PHYHIPL: variants seen among roughly 807,000 people sequenced by gnomAD.
PHYHIPL encodes phytanoyl-CoA hydroxylase-interacting protein-like.
Under a neutral mutation model 33.4 loss-of-function variants are expected in PHYHIPL, and 9 were observed. The ratio of observed to expected loss-of-function variants is 0.27; its 90% CI spans 0.16 to 0.47. The LOEUF (loss-of-function observed/expected upper bound fraction) is 0.47. PHYHIPL is among the 20% of genes least tolerant of loss of function. PHYHIPL has a pLI of 0.99. For synonymous variants in PHYHIPL, 153 were observed against 154.1 expected (o/e 0.99, Z 0.05); for missense variants, 365 against 460.7 (o/e 0.79, Z 1.90).
intron 1 of PHYHIPL, among the ~76,000 whole-genome samples, chr10:59,231,282 A>G (rs1472891231): frequency 6.6e-6 from 1 of 152,112 alleles, no homozygotes; most frequent in Non-Finnish European, 1.5e-5. Context: ...TTCACCTATT[A>G]TAAGTAGAAA....
At chr10:59,203,660 C>T (rs192169716) in intron 1 of PHYHIPL, among the ~76,000 whole-genome samples, 1,829 of 151,800 alleles carry the variant, frequency 0.012, 37 homozygotes, top group African/African-American at 0.042. Context: ...AGCAAACTAT[C>T]GCAAGGACAG....
At chr10:59,196,415 ATTT>A (rs59368905) in intron 1 of PHYHIPL, among the ~76,000 whole-genome samples, 5 of 136,542 alleles carry the variant, frequency 3.7e-5, no homozygotes, top group Non-Finnish European at 6.4e-5. Flanking sequence ...CACTGTCAAC[ATTT>A]TTTTTTTTTT....
chr10:59,196,705 C>G (rs1252485467), intron 1 of PHYHIPL, among the ~76,000 whole-genome samples: 1 of 151,962 alleles, frequency 6.6e-6, no homozygotes, highest in East Asian at 1.9e-4. Flanking sequence ...GTGTGAGCCA[C>G]CGCGCCCGGC....
rs966359493 is a variant in PHYHIPL, at chr10:59,217,009, T to A, written c.107-17295T>A. On this transcript the variant is annotated intron_variant, in intron 1 of 4. Transcript: ENST00000373880. The stretch of plus-strand genomic sequence containing the variant: ...TCTGAGAAAATAGTTTGTAATACTT[T>A]ACTTTACTATTCTTGGAGTGAGATA... Among the ~76,000 whole-genome samples the A allele has an allele frequency of 3.3e-5, 5 of 151,022 alleles. No homozygotes were observed. In the East Asian group the frequency reaches 5.8e-4, roughly 17 times the overall value.
chr10:59,179,539 T>C (rs1490947276), intron 1 of PHYHIPL, among the ~76,000 whole-genome samples: 1 of 152,142 alleles, frequency 6.6e-6, no homozygotes, highest in Non-Finnish European at 1.5e-5. Flanking sequence ...TAAAATAGAA[T>C]AGGGGAAAGT....
chr10:59,191,560 C>T (rs1403796439), intron 1 of PHYHIPL, among the ~76,000 whole-genome samples: 3 of 151,740 alleles, frequency 2.0e-5, no homozygotes, highest in Non-Finnish European at 4.4e-5. Context: ...ATAAAAAACC[C>T]AATGAAAAGT....
chr10:59,208,483 A>C (rs925784111), intron 1 of PHYHIPL, among the ~76,000 whole-genome samples: 3 of 152,202 alleles, frequency 2.0e-5, no homozygotes, highest in African/African-American at 7.2e-5. Context: ...CAGCGCAAAA[A>C]GGCTGAAAGT....
intron 1 of PHYHIPL, among the ~76,000 whole-genome samples, chr10:59,188,379 C>T (rs182816150): frequency 8.0e-4 from 122 of 152,264 alleles, no homozygotes; most frequent in African/African-American, 2.8e-3. Flanking sequence ...GAGGGCTTTA[C>T]TTCCAACTAT....
At chr10:59,174,199 G>A (rs774634611), upstream of PHYHIPL, among the ~76,000 whole-genome samples, 5 of 151,916 alleles carry the variant, frequency 3.3e-5, no homozygotes, top group Non-Finnish European at 7.4e-5. Context: ...CATCTTCAGG[G>A]TGGGAACAGT....
chr10:59,244,590 A>T (rs1589305656), intron 4 of PHYHIPL, among the ~76,000 whole-genome samples: 2 of 149,432 alleles, frequency 1.3e-5, no homozygotes, highest in Admixed American at 1.3e-4. Context: ...AAAAAAAGCC[A>T]AAACAAAACA....
intron 1 of PHYHIPL, among the ~76,000 whole-genome samples, chr10:59,226,806 G>A (rs1315861999): frequency 1.3e-5 from 2 of 151,984 alleles, no homozygotes; most frequent in South Asian, 2.1e-4. Flanking sequence ...GTAAAAGATG[G>A]GATTTATAAC....
chr10:59,176,622 C>T, upstream of PHYHIPL: 2 of 369,750 alleles, frequency 5.4e-6, no homozygotes, highest in Non-Finnish European at 9.7e-6. Context: ...CATCCTCGCG[C>T]CGGGTCCTGC....
chr10:59,236,534 C>T lies in PHYHIPL; in HGVS notation c.355C>T (p.Arg119Cys), dbSNP rs1334090934. Residue 119 changes from arginine (R) to cysteine (C), a missense_variant, in exon 3 of 5, where the codon CGT becomes TGT. Around this residue, in one of 4 missense-constraint regions of PHYHIPL, gnomAD observed 63 missense variants for 119.3 expected, o/e 0.53. Coordinates refer to ENST00000373880, the MANE Select transcript of PHYHIPL (RefSeq NM_032439.4). ...AGCTGTTCCCTTGCCTATGACTGTC[C>T]GTGGACACTGGTTTTTAAGCCCAAG... is the stretch of plus-strand genomic sequence containing the variant. ...AKAVPLPMTV[R>C]GHWFLSPRTE... 8 of 1,610,384 alleles carry T rather than the reference C, an allele frequency of 5.0e-6. No individual in the cohort carries two copies. Among genetic ancestry groups the T allele is most frequent in the South Asian group, 2.2e-5 (2 of 90,622 alleles).
upstream of PHYHIPL, among the ~76,000 whole-genome samples, chr10:59,173,935 T>G (rs941039213): frequency 6.9e-5 from 7 of 101,226 alleles, no homozygotes; most frequent in South Asian, 7.4e-4. Context: ...TTTTTTTTTT[T>G]TTTTTTTTTT....
chr10:59,192,923 G>A (rs1403465304), intron 1 of PHYHIPL, among the ~76,000 whole-genome samples: 1 of 152,144 alleles, frequency 6.6e-6, no homozygotes, highest in African/African-American at 2.4e-5. Flanking sequence ...GGAATATCTA[G>A]ATGGAAATTT....
chr10:59,224,456 G>GAAACAAA (rs1554798695), intron 1 of PHYHIPL, among the ~76,000 whole-genome samples: 1 of 139,806 alleles, frequency 7.2e-6, no homozygotes, highest in Non-Finnish European at 1.5e-5. Flanking sequence ...CTGTCTCAAG[G>GAAACAAA]AAACAAAACA....
Position 59,219,744 on chromosome 10 carries a change from A to G in PHYHIPL, c.107-14560A>G, listed in dbSNP as rs187111153. 5.3e-5 allele frequency among the ~76,000 whole-genome samples: 8 copies of G among 152,216 alleles called. No homozygotes were observed. The South Asian group carries it at 1.4e-3, about 28-fold the overall frequency. On this transcript the variant is annotated intron_variant, in intron 1 of 4. Coordinates refer to ENST00000373880, the MANE Select transcript of PHYHIPL (RefSeq NM_032439.4). ...CAAGGATCATTATTAGAGAGAGAAAAAGGGAACAACTTTGAGTTGACATCA... is the reference window on the plus strand; with the variant it reads ...CAAGGATCATTATTAGAGAGAGAAAGAGGGAACAACTTTGAGTTGACATCA...
At chr10:59,211,671 A>T (rs1199232958) in intron 1 of PHYHIPL, among the ~76,000 whole-genome samples, 1 of 150,282 alleles carries the variant, frequency 6.7e-6, no homozygotes, top group African/African-American at 2.4e-5. Flanking sequence ...CTCTAAAAAA[A>T]AAAAAAAAAA....
intron 1 of PHYHIPL, among the ~76,000 whole-genome samples, chr10:59,216,371 G>A (rs1839612872): frequency 6.6e-6 from 1 of 152,038 alleles, no homozygotes; most frequent in Non-Finnish European, 1.5e-5. Context: ...TCTAGATCCT[G>A]TTCAGTTTCT....
Sources: gnomAD v4.1 joint callset for allele counts (sites outside exome capture counted in the v4.1 genomes callset) on GRCh38, gnomAD v4.1.1 for gene constraint, gnomAD v4.1.1 regional missense constraint, MANE v1.5 for transcripts, NCBI Gene and HGNC (gene_info 2026-07-23, HGNC 2026-07-21) for gene names.